The following TTC6 variants were observed in gnomAD, a reference collection of about 807,000 sequenced individuals.
The protein encoded by TTC6 is tetratricopeptide repeat protein 6.
In TTC6, 172 loss-of-function variants were observed where a neutral mutation model predicts 210.4. That is an observed-to-expected ratio of 0.82 (90% CI 0.72 to 0.93). The LOEUF is 0.93. Ranked by LOEUF, TTC6 falls within the 40% of genes least tolerant of loss-of-function variation. The pLI, the probability that TTC6 is intolerant of heterozygous loss-of-function variation, is 0.00. For synonymous variants in TTC6, 804 were observed against 819.6 expected (o/e 0.98, Z 0.32); for missense variants, 2,414 against 2,318.1 (o/e 1.04, Z -0.85).
At chr14:37,808,908 T>A in intron 24 of TTC6, 62 bp downstream of exon 26, 1 of 811,444 alleles carries the variant, frequency 1.2e-6, no homozygotes, top group Non-Finnish European at 2.0e-6. Context: ...ATGCATTTAA[T>A]AGCTTGTGGA....
chr14:37,809,203 A>C (rs987636241), intron 24 of TTC6, among the ~76,000 whole-genome samples: 1 of 152,068 alleles, frequency 6.6e-6, no homozygotes, highest in Non-Finnish European at 1.5e-5. Context: ...AATTAAATAC[A>C]TTACATAATT....
chr14:37,606,632 T>C, intron 1 of TTC6, 31 bp from the exon 2 acceptor site: 1 of 704,582 alleles, frequency 1.4e-6, no homozygotes, highest in Non-Finnish European at 1.7e-6. Flanking sequence ...GTTAGTTCCC[T>C]TTAATCCCAC....
chr14:37,749,120 G>T lies in TTC6; in HGVS notation c.2545G>T (p.Glu849Ter), dbSNP rs899716334. Residue 849 changes from glutamate to a stop codon, truncating the protein, a stop_gained, in exon 11 of 31, where the codon GAG becomes TAG. Coordinates refer to ENST00000553443, the Ensembl canonical transcript of TTC6. LOFTEE classifies it high-confidence loss of function. ...GACATGGGCTCTTGATAGGCTCATT[G>T]AGTACAAAGATGCGAGCATACCTGT... The T allele has an allele frequency of 6.5e-7, 1 of 1,535,578 alleles. No homozygotes were observed. Among genetic ancestry groups the T allele is most frequent in the African/African-American group, 1.4e-5 (1 of 73,018 alleles).
At chr14:37,757,003 A>G (rs758323025) in intron 14 of TTC6, among the ~76,000 whole-genome samples, 2 of 152,060 alleles carry the variant, frequency 1.3e-5, no homozygotes, top group Non-Finnish European at 2.9e-5. Flanking sequence ...TTGGCAGGCT[A>G]TTAATTACTG....
At chr14:37,641,376 A>G (rs1237224488) in intron 1 of TTC6, among the ~76,000 whole-genome samples, 1 of 152,204 alleles carries the variant, frequency 6.6e-6, no homozygotes, top group Non-Finnish European at 1.5e-5. Context: ...TTTGACAGTA[A>G]AATCAAAATC....
At chr14:37,618,341 G>T (rs1046373506), upstream of TTC6, among the ~76,000 whole-genome samples, 8 of 152,194 alleles carry the variant, frequency 5.3e-5, no homozygotes, top group African/African-American at 1.9e-4. Flanking sequence ...CTCAGGCCTT[G>T]AACCTTCTGG....
intron 14 of TTC6, among the ~76,000 whole-genome samples, chr14:37,781,892 C>A (rs929366261): frequency 6.6e-6 from 1 of 152,104 alleles, no homozygotes; most frequent in Non-Finnish European, 1.5e-5. Context: ...GAATCCTTTC[C>A]CCATTGCTTG....
chr14:37,757,475 G>A (rs1469212939), intron 14 of TTC6, among the ~76,000 whole-genome samples: 4 of 151,758 alleles, frequency 2.6e-5, no homozygotes, highest in African/African-American at 7.3e-5. Flanking sequence ...GGGTTTCACC[G>A]TGTTAGTCAG....
At chr14:37,737,592 A>G (rs2095905219) in intron 8 of TTC6, 68 bp from the exon 11 acceptor site, 2 of 857,342 alleles carry the variant, frequency 2.3e-6, no homozygotes, top group Non-Finnish European at 3.6e-6. Context: ...TTAGCCAAGT[A>G]TTATATATTT....
intron 25 of TTC6, among the ~76,000 whole-genome samples, chr14:37,814,922 A>T (rs1471897709): frequency 6.6e-6 from 1 of 152,164 alleles, no homozygotes; most frequent in Admixed American, 6.6e-5. Flanking sequence ...AGTGCTGAAA[A>T]CATTAGTTAG....
chr14:37,810,600 G>A (rs995613936), intron 24 of TTC6, among the ~76,000 whole-genome samples: 1 of 152,152 alleles, frequency 6.6e-6, no homozygotes, highest in African/African-American at 2.4e-5. Flanking sequence ...TGGGTTAACA[G>A]TGTTTAGGTG....
chr14:37,838,199 C>T (rs2096202338), intron 29 of TTC6, among the ~76,000 whole-genome samples: 1 of 152,104 alleles, frequency 6.6e-6, no homozygotes, highest in African/African-American at 2.4e-5. Flanking sequence ...AATTGATTAG[C>T]AGGATGTCTA....
In TTC6 at chr14:37,837,450, C is replaced by T. The variant is rs1274058666; in HGVS notation, c.5299-3995C>T. ...GAAGGATGTCAATTCTGTCCCCCCT[C>T]CCCCCAACCTGTCCCAGGGATGAGA... On this transcript the variant is annotated intron_variant, in intron 29 of 30. Coordinates refer to ENST00000553443, the Ensembl canonical transcript of TTC6. The T allele has an allele frequency of 1.8e-5, 8 of 452,950 alleles. No individual in the cohort carries two copies. In the East Asian group the frequency reaches 2.8e-4, roughly 16 times the overall value. 28.1% of individuals were successfully genotyped at this position (452,950 alleles called of 1,614,324 possible).
chr14:37,699,098 G>A (rs771168636), intron 4 of TTC6, among the ~76,000 whole-genome samples: 70 of 152,210 alleles, frequency 4.6e-4, no homozygotes, highest in South Asian at 8.3e-4. Flanking sequence ...CAAGAGTAGA[G>A]CAACTTACAA....
chr14:37,640,519 T>C (rs1016555040), intron 1 of TTC6, among the ~76,000 whole-genome samples: 2 of 152,128 alleles, frequency 1.3e-5, no homozygotes, highest in Admixed American at 1.3e-4. Context: ...ATTTCACCTT[T>C]GATTTTGTAA....
At chr14:37,689,862 A>C (rs2095800387) in intron 3 of TTC6, among the ~76,000 whole-genome samples, 1 of 152,088 alleles carries the variant, frequency 6.6e-6, no homozygotes, top group South Asian at 2.1e-4. Flanking sequence ...AATGAGGAAT[A>C]AATAATAATA....
At chr14:37,718,680 C>T (rs192154884) in intron 6 of TTC6, among the ~76,000 whole-genome samples, 6 of 152,278 alleles carry the variant, frequency 3.9e-5, no homozygotes, top group Non-Finnish European at 7.4e-5. Flanking sequence ...GTAAGCCCAG[C>T]GCTTTGGGAG....
At chr14:37,815,536 G>C (rs2096139408) in intron 25 of TTC6, among the ~76,000 whole-genome samples, 1 of 152,088 alleles carries the variant, frequency 6.6e-6, no homozygotes, top group African/African-American at 2.4e-5. Flanking sequence ...GCTTACCTGT[G>C]GCTCACCTCC....
chr14:37,798,582 A>G (rs1426148678), intron 20 of TTC6, among the ~76,000 whole-genome samples: 2 of 151,684 alleles, frequency 1.3e-5, no homozygotes, highest in African/African-American at 2.4e-5. Flanking sequence ...CTTTCTTTTT[A>G]TGTATTCTGT....
Sources: allele counts gnomAD v4.1 joint callset (sites outside exome capture counted in the v4.1 genomes callset), GRCh38; gene constraint gnomAD v4.1.1; transcripts MANE v1.5; gene names NCBI Gene and HGNC (gene_info 2026-07-23, HGNC 2026-07-21).